Variants in BBS9 observed in about 807,000 individuals in gnomAD.
BBS9 encodes Bardet-Biedl syndrome 9.
In BBS9, 89 loss-of-function variants were observed where a neutral mutation model predicts 117.7. The observed-to-expected ratio is 0.76, with a 90% CI of 0.64 to 0.90. The LOEUF is 0.90. Among genes scored for constraint, BBS9 ranks in the 40% least tolerant of loss-of-function variants. The probability of loss-of-function intolerance (pLI) is 0.00; values close to 1 mark genes in which losing one functional copy is unlikely to be tolerated. For synonymous variants in BBS9, 379 were observed against 370.9 expected (o/e 1.02, Z -0.25); for missense variants, 982 against 1,042.2 (o/e 0.94, Z 0.80).
chr7:33,240,807 T>C (rs1325225909), intron 5 of BBS9, among the ~76,000 whole-genome samples: 2 of 152,174 alleles, frequency 1.3e-5, no homozygotes, highest in Admixed American at 1.3e-4. Context: ...GTTTTACCTG[T>C]ATTAGTTTTT....
chr7:33,149,490 A>G (rs1160720723), intron 2 of BBS9, among the ~76,000 whole-genome samples: 1 of 152,208 alleles, frequency 6.6e-6, no homozygotes, highest in Non-Finnish European at 1.5e-5. Flanking sequence ...TGAACACCCC[A>G]TGCATTTAAA....
intron 5 of BBS9, among the ~76,000 whole-genome samples, chr7:33,233,834 T>A (rs939690354): frequency 2.0e-5 from 3 of 152,156 alleles, no homozygotes; most frequent in Non-Finnish European, 4.4e-5. Flanking sequence ...CTGTGCCAGG[T>A]GCCAGCACGT....
chr7:33,143,601 C>T (rs930604069), intron 1 of BBS9, among the ~76,000 whole-genome samples: 3 of 151,630 alleles, frequency 2.0e-5, no homozygotes, highest in Non-Finnish European at 2.9e-5. Flanking sequence ...AGCCTCACTC[C>T]GTAACCCAGG....
At chr7:33,392,648 T>C (rs1382376087) in intron 19 of BBS9, among the ~76,000 whole-genome samples, 1 of 152,238 alleles carries the variant, frequency 6.6e-6, no homozygotes, top group Non-Finnish European at 1.5e-5. Context: ...TCAACATATA[T>C]TAAATTAGCA....
At chr7:33,142,611 C>T (rs1283779653) in intron 1 of BBS9, among the ~76,000 whole-genome samples, 1 of 152,218 alleles carries the variant, frequency 6.6e-6, no homozygotes, top group Non-Finnish European at 1.5e-5. Context: ...TCCCTAGCCC[C>T]TGACAATCAC....
At chr7:33,282,433 C>T (rs1052592959) in intron 9 of BBS9, among the ~76,000 whole-genome samples, 5 of 152,026 alleles carry the variant, frequency 3.3e-5, no homozygotes, top group Non-Finnish European at 7.4e-5. Context: ...AGTGCAGTGG[C>T]GTGATCTCAG....
chr7:33,501,788 G>A (rs1225415729), intron 19 of BBS9, among the ~76,000 whole-genome samples: 8 of 152,152 alleles, frequency 5.3e-5, no homozygotes, highest in Non-Finnish European at 1.2e-4. Flanking sequence ...ATACTCTGTG[G>A]CTCCCCAGTG....
chr7:33,516,885 A>G (rs566055274), intron 20 of BBS9, among the ~76,000 whole-genome samples: 2 of 152,364 alleles, frequency 1.3e-5, no homozygotes, highest in South Asian at 4.1e-4. Flanking sequence ...CTCACCCACA[A>G]CAATGAATAA....
chr7:33,286,496 T>TC (rs1802918591), intron 9 of BBS9, among the ~76,000 whole-genome samples: 1 of 152,178 alleles, frequency 6.6e-6, no homozygotes, highest in African/African-American at 2.4e-5. Context: ...AACATTTTTT[T>TC]CTCCTTACTT....
Position 33,442,642 on chromosome 7 carries a change from A to G in BBS9, c.2115+54498A>G, listed in dbSNP as rs775610168. ...ATTACTTTCTTCTGATTGAGAAAGA[A>G]AAGCTAATTAGCACCTCACAAATCA... is the stretch of plus-strand genomic sequence containing the variant. On this transcript the variant is annotated intron_variant, in intron 19 of 22. Transcript: ENST00000242067. 4.6e-5 allele frequency among the ~76,000 whole-genome samples: 7 copies of G among 152,334 alleles called. No homozygotes were observed. The South Asian group carries it at 8.3e-4, about 18-fold the overall frequency.
chr7:33,218,182 A>G (rs768291677), intron 5 of BBS9, among the ~76,000 whole-genome samples: 7 of 152,232 alleles, frequency 4.6e-5, no homozygotes, highest in Non-Finnish European at 8.8e-5. Flanking sequence ...TTACAACTGT[A>G]TATAGATTAC....
chr7:33,394,629 G>C (rs1376038551), intron 19 of BBS9, among the ~76,000 whole-genome samples: 1 of 152,086 alleles, frequency 6.6e-6, no homozygotes, highest in East Asian at 1.9e-4. Context: ...TCTAGCTTTG[G>C]AGGTATAATG....
chr7:33,609,771 C>T, downstream of BBS9, among the ~76,000 whole-genome samples: 1 of 152,152 alleles, frequency 6.6e-6, no homozygotes, highest in East Asian at 1.9e-4. Context: ...TCCACACCTT[C>T]CTCTTATGAC....
At chr7:33,312,762 G>T (rs1044369095) in intron 9 of BBS9, among the ~76,000 whole-genome samples, 1 of 151,834 alleles carries the variant, frequency 6.6e-6, no homozygotes, top group African/African-American at 2.4e-5. Context: ...TGTTCTTCTG[G>T]GTTCAATTTG....
intron 11 of BBS9, among the ~76,000 whole-genome samples, 169 bp downstream of exon 11, chr7:33,341,142 T>C (rs903205338): frequency 2.6e-5 from 4 of 152,192 alleles, no homozygotes; most frequent in Admixed American, 1.3e-4. Flanking sequence ...AGCCCCTTAG[T>C]GCCAGTAAGG....
intron 4 of BBS9, among the ~76,000 whole-genome samples, chr7:33,168,412 C>T (rs1796022887): frequency 6.6e-6 from 1 of 152,196 alleles, no homozygotes; most frequent in South Asian, 2.1e-4. Context: ...GACAGCATGA[C>T]AGATCCTATC....
Position 33,414,650 on chromosome 7 carries a change from G to T in BBS9, c.2115+26506G>T, listed in dbSNP as rs1026186886. ...AATATTATAATACCAATGCTATATA[G>T]TGTAGCCATGTAAAAATCAATTTAA... On this transcript the variant is annotated intron_variant, in intron 19 of 22. Coordinates refer to ENST00000242067, the MANE Select transcript of BBS9 (RefSeq NM_198428.3). Among the ~76,000 whole-genome samples, 7 of 152,194 alleles carry T rather than the reference G, an allele frequency of 4.6e-5. No homozygotes were observed. In the East Asian group the frequency reaches 1.4e-3, roughly 29 times the overall value.
At position 33,524,585 on chromosome 7, in the gene BBS9, C is replaced by T. The variant is rs547824049; in HGVS notation, c.2299-9369C>T. Among the ~76,000 whole-genome samples the T allele has an allele frequency of 4.3e-3, 649 of 152,204 alleles. 4 individuals carry two copies. Among genetic ancestry groups the T allele is most frequent in the African/African-American group, 0.015 (624 of 41,494 alleles). On this transcript the variant is annotated intron_variant, in intron 20 of 22. Coordinates refer to ENST00000242067, the MANE Select transcript of BBS9 (RefSeq NM_198428.3). Reference sequence around the variant, plus strand: ...ATGGTAGTTTGCATTTCTGTGGGATCGGTGGTGATATCCCCTTTATCATTT... The same window carrying T: ...ATGGTAGTTTGCATTTCTGTGGGATTGGTGGTGATATCCCCTTTATCATTT...
chr7:33,407,762 C>T (rs189463166), intron 19 of BBS9, among the ~76,000 whole-genome samples: 25 of 152,278 alleles, frequency 1.6e-4, no homozygotes, highest in African/African-American at 3.1e-4. Context: ...TTTTGTGATC[C>T]GCCAATGCTG....
Sources: allele counts gnomAD v4.1 joint callset (sites outside exome capture counted in the v4.1 genomes callset), GRCh38; gene constraint gnomAD v4.1.1; transcripts MANE v1.5; gene names NCBI Gene and HGNC (gene_info 2026-07-23, HGNC 2026-07-21).